The following MAPK10 variants were observed in gnomAD, a reference collection of about 807,000 sequenced individuals.
The protein encoded by MAPK10 is mitogen-activated protein kinase 10.
Under a neutral mutation model 59.3 loss-of-function variants are expected in MAPK10, and 25 were observed. The observed-to-expected ratio is 0.42, with a 90% CI of 0.31 to 0.59. The LOEUF is 0.59. Among genes scored for constraint, MAPK10 ranks in the 20% least tolerant of loss-of-function variants. The pLI, the probability that MAPK10 is intolerant of heterozygous loss-of-function variation, is 0.15. For missense variants in MAPK10, 351 were observed against 568.9 expected (o/e 0.62, Z 3.90); for synonymous variants, 190 against 200.5 (o/e 0.95, Z 0.44).
intron 3 of MAPK10, among the ~76,000 whole-genome samples, chr4:86,186,233 C>T (rs545158551): frequency 3.3e-5 from 5 of 151,898 alleles, no homozygotes; most frequent in Admixed American, 2.6e-4. Flanking sequence ...AGTAACTTGC[C>T]CAAGGTCACA....
At chr4:86,139,831 T>C (rs1473618753) in intron 4 of MAPK10, among the ~76,000 whole-genome samples, 3 of 146,684 alleles carry the variant, frequency 2.0e-5, no homozygotes, top group South Asian at 2.1e-4. Context: ...CAAACAAATT[T>C]ACAAGAAAAA....
chr4:86,105,478 C>T (rs1384203142), intron 5 of MAPK10, among the ~76,000 whole-genome samples: 1 of 152,088 alleles, frequency 6.6e-6, no homozygotes, highest in East Asian at 1.9e-4. Flanking sequence ...TTCTCTCAAA[C>T]TGACCAAGTA....
chr4:86,538,837 T>C (rs893223670), intron 1 of MAPK10, among the ~76,000 whole-genome samples: 14 of 152,120 alleles, frequency 9.2e-5, no homozygotes, highest in Non-Finnish European at 1.9e-4. Flanking sequence ...CTTGAGATAA[T>C]GAGAAAGGAC....
At chr4:86,332,743 C>T (rs1005746741) in intron 2 of MAPK10, 1 of 152,114 alleles carries the variant, frequency 6.6e-6, no homozygotes, top group Non-Finnish European at 1.5e-5. Context: ...CAAAAGCCTA[C>T]GGTCAAAATT....
chr4:86,273,872 C>T (rs1177261297), intron 2 of MAPK10, among the ~76,000 whole-genome samples: 1 of 151,978 alleles, frequency 6.6e-6, no homozygotes, highest in Non-Finnish European at 1.5e-5. Context: ...CTCTAAGTTT[C>T]AAATTAGAAA....
intron 2 of MAPK10, among the ~76,000 whole-genome samples, chr4:86,280,012 GA>G (rs2094736793): frequency 6.6e-6 from 1 of 152,072 alleles, no homozygotes; most frequent in Non-Finnish European, 1.5e-5. Flanking sequence ...AAAAACCCTA[GA>G]AGAAAACCTA....
intron 1 of MAPK10, among the ~76,000 whole-genome samples, chr4:86,396,491 T>C (rs948689791): frequency 1.3e-5 from 2 of 152,222 alleles, no homozygotes; most frequent in Non-Finnish European, 2.9e-5. Context: ...AAATACACTC[T>C]GTATTTTCAG....
At chr4:86,061,712 A>G (rs999807010) in intron 11 of MAPK10, among the ~76,000 whole-genome samples, 10 of 152,056 alleles carry the variant, frequency 6.6e-5, no homozygotes, top group Non-Finnish European at 1.0e-4. Flanking sequence ...TCCCCTATCC[A>G]CTTGCCATTA....
chr4:86,242,447 G>C (rs1381078528), intron 2 of MAPK10, among the ~76,000 whole-genome samples: 1 of 152,184 alleles, frequency 6.6e-6, no homozygotes, highest in East Asian at 1.9e-4. Context: ...AGAACTACCA[G>C]AAGGAGAGGC....
intron 1 of MAPK10, among the ~76,000 whole-genome samples, chr4:86,562,534 AAATT>A (rs1208952996): frequency 6.6e-6 from 1 of 151,958 alleles, no homozygotes; most frequent in Non-Finnish European, 1.5e-5. Context: ...GTAAATAAAT[AAATT>A]AATTAATTTA....
In MAPK10 at chr4:86,354,616, G is replaced by T; in HGVS notation, c.-93C>A. The stretch of plus-strand genomic sequence containing the variant: ...GTTGCCATAGTGAAGATCTGAGATG[G>T]GCCTGCTGTTGGTGTTTCTCACACT... On this transcript the variant is annotated 5_prime_UTR_variant, in exon 2 of 14. Transcript: ENST00000641462. The T allele has an allele frequency of 1.6e-6, 2 of 1,230,102 alleles. No homozygotes were observed. Among genetic ancestry groups the T allele is most frequent in the African/African-American group, 1.6e-5 (1 of 64,396 alleles). 76.2% of individuals were successfully genotyped at this position (1,230,102 alleles called of 1,614,324 possible). A position where few individuals can be genotyped will look rare whatever the true frequency, so the allele number is the denominator to read the frequency against.
At chr4:86,403,702 G>A (rs910700747) in intron 1 of MAPK10, among the ~76,000 whole-genome samples, 1 of 152,066 alleles carries the variant, frequency 6.6e-6, no homozygotes, top group African/African-American at 2.4e-5. Context: ...GTGCAAGCAG[G>A]GGAAATGCCA....
At chr4:86,487,863 A>G (rs1425887095) in intron 1 of MAPK10, among the ~76,000 whole-genome samples, 4 of 152,210 alleles carry the variant, frequency 2.6e-5, no homozygotes, top group African/African-American at 9.6e-5. Context: ...AATAAAAAAG[A>G]TAAGAGGTGA....
chr4:86,201,284 A>G (rs2082561858), intron 2 of MAPK10, among the ~76,000 whole-genome samples: 1 of 151,898 alleles, frequency 6.6e-6, no homozygotes, highest in Non-Finnish European at 1.5e-5. Context: ...AATATGTTTA[A>G]CTTTTTAAAA....
intron 1 of MAPK10, among the ~76,000 whole-genome samples, chr4:86,449,404 C>T (rs934288425): frequency 6.6e-6 from 1 of 152,152 alleles, no homozygotes; most frequent in Non-Finnish European, 1.5e-5. Flanking sequence ...CAAGTTAAAG[C>T]GTGCTTTATT....
chr4:86,391,077 T>G (rs1026021098), intron 1 of MAPK10, among the ~76,000 whole-genome samples: 2 of 152,346 alleles, frequency 1.3e-5, no homozygotes, highest in African/African-American at 4.8e-5. Flanking sequence ...TGTACTCATT[T>G]TCAGATATGA....
chr4:86,101,002 G>A, intron 8 of MAPK10, 50 bp downstream of exon 8: 1 of 1,531,548 alleles, frequency 6.5e-7, no homozygotes, highest in Non-Finnish European at 9.0e-7. Context: ...TCTACAACGT[G>A]CACCCGTTTC....
At chr4:86,045,464 T>C (rs2042325217) in intron 11 of MAPK10, among the ~76,000 whole-genome samples, 1 of 152,220 alleles carries the variant, frequency 6.6e-6, no homozygotes, top group South Asian at 2.1e-4. Flanking sequence ...TATTAGCTTC[T>C]AAACATCTCT....
At chr4:86,203,509 A>G (rs2083112152) in intron 2 of MAPK10, among the ~76,000 whole-genome samples, 1 of 151,508 alleles carries the variant, frequency 6.6e-6, no homozygotes, top group Admixed American at 6.6e-5. Flanking sequence ...CAATATATAC[A>G]AGGAAAAACC....
Sources: allele counts gnomAD v4.1 joint callset (sites outside exome capture counted in the v4.1 genomes callset), GRCh38; gene constraint gnomAD v4.1.1; transcripts MANE v1.5; gene names NCBI Gene and HGNC (gene_info 2026-07-23, HGNC 2026-07-21).